Variants in CRPPA observed in about 807,000 individuals in gnomAD.
CRPPA encodes CDP-L-ribitol pyrophosphorylase A, also known as D-ribitol-5-phosphate cytidylyltransferase.
In CRPPA, 43 loss-of-function variants were observed where a neutral mutation model predicts 52.0. The ratio of observed to expected loss-of-function variants is 0.83; its 90% CI spans 0.65 to 1.07. CRPPA has a LOEUF of 1.07. Among genes scored for constraint, CRPPA ranks in the 50% least tolerant of loss-of-function variants. The pLI, the probability that CRPPA is intolerant of heterozygous loss-of-function variation, is 0.00. For synonymous variants in CRPPA, 250 were observed against 203.5 expected, an observed-to-expected ratio of 1.23 and a Z score of -1.94; for missense variants, 629 against 551.7, an observed-to-expected ratio of 1.14 and a Z score of -1.40.
At chr7:16,292,979 A>G (rs914200694) in intron 5 of CRPPA, among the ~76,000 whole-genome samples, 2 of 151,982 alleles carry the variant, frequency 1.3e-5, no homozygotes, top group African/African-American at 4.8e-5. Context: ...AGTAATACGT[A>G]AAGTTTCTAA....
chr7:16,148,492 G>C (rs1783016359), intron 9 of CRPPA, among the ~76,000 whole-genome samples: 2 of 152,076 alleles, frequency 1.3e-5, no homozygotes, highest in African/African-American at 4.8e-5. Context: ...CAGAAGCATG[G>C]ATGAACCTCG....
At chr7:16,209,202 C>A in intron 9 of CRPPA, 1 of 309,684 alleles carries the variant, frequency 3.2e-6, no homozygotes, top group South Asian at 2.9e-5. Context: ...TGCTAGCTAT[C>A]AAAAGATGCA....
intron 3 of CRPPA, among the ~76,000 whole-genome samples, chr7:16,348,333 G>T (rs1411948209): frequency 6.6e-6 from 1 of 152,216 alleles, no homozygotes; most frequent in East Asian, 1.9e-4. Context: ...CTAGACTACA[G>T]AAAAAAGCAG....
At chr7:16,100,762 C>A (rs1285361077) in intron 9 of CRPPA, among the ~76,000 whole-genome samples, 1 of 152,130 alleles carries the variant, frequency 6.6e-6, no homozygotes, top group Non-Finnish European at 1.5e-5. Flanking sequence ...AGCTTTTGCC[C>A]ATTCAGTATG....
chr7:16,119,086 A>G (rs1203294309), intron 9 of CRPPA, among the ~76,000 whole-genome samples: 1 of 152,110 alleles, frequency 6.6e-6, no homozygotes, highest in Non-Finnish European at 1.5e-5. Context: ...CTCCATGCTC[A>G]TTCCTGTCCC....
chr7:16,177,308 T>TA (rs1056136334), intron 9 of CRPPA, among the ~76,000 whole-genome samples: 7 of 151,872 alleles, frequency 4.6e-5, no homozygotes, highest in Admixed American at 1.3e-4. Flanking sequence ...GTTTTAAAAC[T>TA]AAAAAAAAGT....
At chr7:16,108,339 T>C (rs754289787) in intron 9 of CRPPA, among the ~76,000 whole-genome samples, 14 of 151,764 alleles carry the variant, frequency 9.2e-5, no homozygotes, top group African/African-American at 3.4e-4. Flanking sequence ...TTAGACAAAA[T>C]AGACTTTACA....
intron 5 of CRPPA, among the ~76,000 whole-genome samples, chr7:16,290,707 G>A (rs771092976): frequency 6.6e-6 from 1 of 152,044 alleles, no homozygotes; most frequent in South Asian, 2.1e-4. Context: ...AGAAAGCAGA[G>A]GAAATGCTTC....
chr7:16,108,250 CA>C (rs1425523494), intron 9 of CRPPA, among the ~76,000 whole-genome samples: 1 of 151,840 alleles, frequency 6.6e-6, no homozygotes, highest in African/African-American at 2.4e-5. Context: ...CTTTTAATGA[CA>C]TACATAGACT....
intron 3 of CRPPA, among the ~76,000 whole-genome samples, chr7:16,353,864 A>T (rs1051703419): frequency 5.3e-5 from 8 of 151,764 alleles, no homozygotes; most frequent in African/African-American, 1.9e-4. Context: ...AAAAAAAAAT[A>T]AAAAAGAATT....
chr7:16,380,740 T>C (rs1583562654), intron 2 of CRPPA, among the ~76,000 whole-genome samples: 2 of 152,342 alleles, frequency 1.3e-5, no homozygotes, highest in East Asian at 3.9e-4. Flanking sequence ...TGTCGAGGAA[T>C]TTATCCATTT....
intron 6 of CRPPA, among the ~76,000 whole-genome samples, chr7:16,262,711 C>T (rs1408203962): frequency 6.6e-6 from 1 of 152,132 alleles, no homozygotes; most frequent in African/African-American, 2.4e-5. Context: ...AAGGATTCTC[C>T]TTGGCTCTCA....
intron 8 of CRPPA, among the ~76,000 whole-genome samples, chr7:16,254,797 GAAAGAAAGAAAGAAAGAAA>G (rs1783577079): frequency 1.8e-5 from 1 of 55,258 alleles, no homozygotes; most frequent in African/African-American, 5.0e-5. Context: ...AAGAAGGAAA[GAAAGAAAGAAAGAAAGAAA>G]GAAAGAAAGA....
intron 3 of CRPPA, among the ~76,000 whole-genome samples, chr7:16,327,141 C>G (rs181909104): frequency 1.1e-4 from 17 of 152,254 alleles, no homozygotes. Context: ...CTCAAACAAA[C>G]AGTTCTTTTG....
intron 3 of CRPPA, among the ~76,000 whole-genome samples, chr7:16,335,359 T>G (rs1785655412): frequency 6.6e-6 from 1 of 151,952 alleles, no homozygotes; most frequent in African/African-American, 2.4e-5. Flanking sequence ...TCCCCCACCC[T>G]CTGCAGACAG....
chr7:16,311,886 A>G (rs916479224), intron 3 of CRPPA, among the ~76,000 whole-genome samples: 1 of 152,050 alleles, frequency 6.6e-6, no homozygotes, highest in Non-Finnish European at 1.5e-5. Flanking sequence ...TCTTTGCTAT[A>G]TTGTATATTG....
At chr7:16,295,844 A>G (rs1784661225) in intron 5 of CRPPA, among the ~76,000 whole-genome samples, 3 of 152,042 alleles carry the variant, frequency 2.0e-5, no homozygotes, top group Admixed American at 1.3e-4. Flanking sequence ...AAACTACAAT[A>G]CCTCTTTGTT....
chr7:16,180,587 C>T (rs866686851), intron 9 of CRPPA, among the ~76,000 whole-genome samples: 15 of 152,022 alleles, frequency 9.9e-5, no homozygotes, highest in Middle Eastern at 3.4e-3. Context: ...TCATTAATTT[C>T]GAAATCATAC....
chr7:16,255,568 A>C (rs1323656647), intron 8 of CRPPA, among the ~76,000 whole-genome samples: 3 of 152,220 alleles, frequency 2.0e-5, no homozygotes, highest in Admixed American at 2.0e-4. Flanking sequence ...TAACCAAAAC[A>C]GCATGGTACT....
Sources: allele counts gnomAD v4.1 joint callset (sites outside exome capture counted in the v4.1 genomes callset), GRCh38; gene constraint gnomAD v4.1.1; transcripts MANE v1.5; gene names NCBI Gene and HGNC (gene_info 2026-07-23, HGNC 2026-07-21).